The following CFAP44 variants were observed in gnomAD, a reference collection of about 807,000 sequenced individuals.
CFAP44 encodes the protein cilia and flagella associated protein 44, also known as cilia- and flagella-associated protein 44.
In CFAP44, 134 loss-of-function variants were observed where a neutral mutation model predicts 216.2. The ratio of observed to expected loss-of-function variants is 0.62; its 90% CI spans 0.54 to 0.72. The LOEUF is 0.72. Among genes scored for constraint, CFAP44 ranks in the 30% least tolerant of loss-of-function variants. The probability of loss-of-function intolerance (pLI) is 0.00; values close to 1 mark genes in which losing one functional copy is unlikely to be tolerated. For synonymous variants in CFAP44, 700 were observed against 727.6 expected, an observed-to-expected ratio of 0.96 and a Z score of 0.61; for missense variants, 2,035 against 2,182.1, an observed-to-expected ratio of 0.93 and a Z score of 1.34.
chr3:113,334,663 T>C (rs972614704), intron 24 of CFAP44, among the ~76,000 whole-genome samples: 1 of 151,914 alleles, frequency 6.6e-6, no homozygotes, highest in Non-Finnish European at 1.5e-5. Context: ...AATTAAAGGA[T>C]TGAAAAAAAA....
intron 1 of CFAP44, 112 bp from the exon 2 acceptor site, chr3:113,433,781 T>G: frequency 1.2e-6 from 1 of 854,640 alleles, no homozygotes; most frequent in Non-Finnish European, 1.9e-6. Flanking sequence ...CAATAATCCT[T>G]GTTTGCACAG....
intron 6 of CFAP44, among the ~76,000 whole-genome samples, chr3:113,413,506 T>C (rs1934550453): frequency 6.6e-6 from 1 of 152,344 alleles, no homozygotes; most frequent in South Asian, 2.1e-4. Flanking sequence ...GTTTTGGATT[T>C]TACATTTAAG....
At position 113,291,854 on chromosome 3, in the gene CFAP44, A is replaced by G. The variant is rs1253603814; in HGVS notation, c.5374-106T>C. 5.8e-6 allele frequency: 7 copies of G among 1,217,114 alleles called. No individual in the cohort carries two copies. The African/African-American group carries it at 1.1e-4, about 19-fold the overall frequency. 75.4% of individuals were successfully genotyped at this position (1,217,114 alleles called of 1,614,324 possible). On this transcript the variant is annotated intron_variant, in intron 34 of 34. Coordinates refer to ENST00000393845, the MANE Select transcript of CFAP44 (RefSeq NM_001164496.2). ...TGAGTGCTGGCCTGACAGTCACCCTAAACAGCCACTGTTCCTTAATCTCGG... is the reference window on the plus strand; with the variant it reads ...TGAGTGCTGGCCTGACAGTCACCCTGAACAGCCACTGTTCCTTAATCTCGG...
At chr3:113,391,357 C>T (rs1305114603) in intron 15 of CFAP44, among the ~76,000 whole-genome samples, 1 of 152,054 alleles carries the variant, frequency 6.6e-6, no homozygotes, top group Non-Finnish European at 1.5e-5. Flanking sequence ...GGATTAAAGA[C>T]TTAAACTTAA....
In CFAP44 at chr3:113,401,749, T is replaced by C. The variant is rs770523782; in HGVS notation, c.1171-10A>G. ...TCTCAAAATCCCATATCTTGTAAAA[T>C]GAAAAGAAAATACTTTAATCGATCA... On this transcript the variant is annotated splice_polypyrimidine_tract_variant and intron_variant, in intron 9 of 34. Transcript: ENST00000393845. 1.2e-5 allele frequency: 19 copies of C among 1,590,778 alleles called. No individual in the cohort carries two copies. In the East Asian group the frequency reaches 3.4e-4, roughly 28 times the overall value.
At chr3:113,364,782 G>A (rs935650913) in intron 19 of CFAP44, among the ~76,000 whole-genome samples, 1 of 152,098 alleles carries the variant, frequency 6.6e-6, no homozygotes, top group Non-Finnish European at 1.5e-5. Context: ...TGAAGACTGG[G>A]CATCACCTTC....
chr3:113,333,260 T>G (rs556229431), intron 25 of CFAP44, 146 bp downstream of exon 25: 1 of 730,544 alleles, frequency 1.4e-6, no homozygotes, highest in South Asian at 2.1e-5. Context: ...GAGGACATTC[T>G]AGATAATCAT....
intron 1 of CFAP44, among the ~76,000 whole-genome samples, chr3:113,436,009 G>C (rs894635873): frequency 2.0e-5 from 3 of 151,446 alleles, no homozygotes; most frequent in African/African-American, 7.3e-5. Context: ...TACCTTTTGG[G>C]GTTTATGGAG....
intron 15 of CFAP44, among the ~76,000 whole-genome samples, chr3:113,389,622 A>C (rs529066940): frequency 6.6e-6 from 1 of 152,276 alleles, no homozygotes; most frequent in East Asian, 1.9e-4. Context: ...AGACTAACAA[A>C]ATAAGAGAGA....
intron 28 of CFAP44, among the ~76,000 whole-genome samples, chr3:113,311,960 G>A (rs775950333): frequency 2.0e-5 from 3 of 152,140 alleles, no homozygotes; most frequent in Non-Finnish European, 4.4e-5. Flanking sequence ...TTGAACTTGA[G>A]AGAGATGATT....
At chr3:113,316,833 C>T (rs956399023) in intron 28 of CFAP44, among the ~76,000 whole-genome samples, 7 of 149,934 alleles carry the variant, frequency 4.7e-5, no homozygotes, top group African/African-American at 1.7e-4. Context: ...CACGCCACTG[C>T]ACTCCAGCCT....
intron 24 of CFAP44, among the ~76,000 whole-genome samples, chr3:113,335,629 C>T (rs1950275754): frequency 6.6e-6 from 1 of 152,180 alleles, no homozygotes; most frequent in Admixed American, 6.5e-5. Flanking sequence ...TTCCCATCAA[C>T]TGGAGAGACC....
intron 6 of CFAP44, 132 bp downstream of exon 6, chr3:113,416,393 G>T: frequency 1.4e-6 from 1 of 714,624 alleles, no homozygotes; most frequent in Non-Finnish European, 2.4e-6. Context: ...GTGTGAATTT[G>T]AATAAATCTC....
intron 2 of CFAP44, among the ~76,000 whole-genome samples, chr3:113,430,540 A>G (rs1935081137): frequency 6.6e-6 from 1 of 152,076 alleles, no homozygotes; most frequent in Non-Finnish European, 1.5e-5. Flanking sequence ...AAGAGAAACA[A>G]CATAAATCTG....
rs1265723653 is a variant in CFAP44, at chr3:113,290,494, C to T, written c.*1063G>A. Reference sequence around the variant, plus strand: ...CGCCCTTCTCAGTGACCAGCTTATCCTGGAACAGCCTCAATGAGTAGCTCG... The same window carrying T: ...CGCCCTTCTCAGTGACCAGCTTATCTTGGAACAGCCTCAATGAGTAGCTCG... On this transcript the variant is annotated 3_prime_UTR_variant, in exon 35 of 35. Coordinates refer to ENST00000393845, the MANE Select transcript of CFAP44 (RefSeq NM_001164496.2). 3 of 152,314 alleles carry T rather than the reference C, an allele frequency of 2.0e-5. No individual in the cohort carries two copies. The East Asian group carries it at 5.8e-4, about 29-fold the overall frequency. The allele number at this position is 152,314 out of a possible 1,614,324, so 9.4% of individuals were successfully genotyped here.
chr3:113,395,380 T>C (rs1933961461), intron 15 of CFAP44, among the ~76,000 whole-genome samples: 1 of 152,196 alleles, frequency 6.6e-6, no homozygotes, highest in Non-Finnish European at 1.5e-5. Flanking sequence ...ATTCAGACCT[T>C]AGAATTCAGC....
At chr3:113,422,022 TAA>T (rs987918190) in intron 4 of CFAP44, among the ~76,000 whole-genome samples, 18 of 152,324 alleles carry the variant, frequency 1.2e-4, no homozygotes, top group African/African-American at 3.6e-4. Context: ...TATAAAAATC[TAA>T]GTTATATAAA....
chr3:113,341,468 C>T (rs1177057824), intron 24 of CFAP44, among the ~76,000 whole-genome samples: 1 of 152,088 alleles, frequency 6.6e-6, no homozygotes, highest in Non-Finnish European at 1.5e-5. Flanking sequence ...GATAGAAAAG[C>T]ATTTCTTAAT....
intron 3 of CFAP44, 27 bp downstream of exon 3, chr3:113,427,154 GACAATT>G: frequency 6.3e-7 from 1 of 1,598,100 alleles, no homozygotes; most frequent in Non-Finnish European, 8.5e-7. Context: ...CTAAAACAGT[GACAATT>G]ACTGACAGAA....
Sources: gnomAD v4.1 joint callset for allele counts (sites outside exome capture counted in the v4.1 genomes callset) on GRCh38, gnomAD v4.1.1 for gene constraint, MANE v1.5 for transcripts, NCBI Gene and HGNC (gene_info 2026-07-23, HGNC 2026-07-21) for gene names.